HS3ST4: variants seen among roughly 807,000 people sequenced by gnomAD.
The protein encoded by HS3ST4 is heparan sulfate-glucosamine 3-sulfotransferase 4.
Under a neutral mutation model 29.2 loss-of-function variants are expected in HS3ST4, and 17 were observed. The ratio of observed to expected loss-of-function variants is 0.58; its 90% CI spans 0.40 to 0.87. HS3ST4 has a LOEUF of 0.87. Ranked by LOEUF, HS3ST4 falls within the 40% of genes least tolerant of loss-of-function variation. HS3ST4 has a pLI of 0.00. For missense variants in HS3ST4, 627 were observed against 634.5 expected (o/e 0.99, Z 0.13); for synonymous variants, 314 against 285.7 (o/e 1.10, Z -1.00).
chr16:25,876,802 C>T (rs369438766), intron 1 of HS3ST4, among the ~76,000 whole-genome samples: 14 of 152,148 alleles, frequency 9.2e-5, no homozygotes, highest in Middle Eastern at 3.4e-3. Flanking sequence ...TCATTATTGA[C>T]GCTTCAGTTG....
chr16:25,812,382 C>G (rs956348395), intron 1 of HS3ST4, among the ~76,000 whole-genome samples: 1 of 152,192 alleles, frequency 6.6e-6, no homozygotes, highest in Non-Finnish European at 1.5e-5. Context: ...TGTACGTGTC[C>G]TTCCTGCTGT....
intron 1 of HS3ST4, among the ~76,000 whole-genome samples, chr16:26,045,798 G>T (rs1296515616): frequency 2.0e-5 from 3 of 152,056 alleles, no homozygotes; most frequent in Non-Finnish European, 2.9e-5. Flanking sequence ...CTCTCACATG[G>T]ATTATATTTT....
At chr16:25,703,674 CT>C (rs917943608) in intron 1 of HS3ST4, among the ~76,000 whole-genome samples, 7 of 152,178 alleles carry the variant, frequency 4.6e-5, no homozygotes, top group African/African-American at 1.4e-4. Flanking sequence ...CTGCAGGAGT[CT>C]TGCCCTCACA....
intron 1 of HS3ST4, among the ~76,000 whole-genome samples, chr16:26,068,898 C>T (rs1056275711): frequency 1.8e-4 from 28 of 152,100 alleles, no homozygotes; most frequent in African/African-American, 5.8e-4. Flanking sequence ...CATCTTGATA[C>T]ACTGTTTGCA....
chr16:25,929,165 T>C (rs939297589), intron 1 of HS3ST4, among the ~76,000 whole-genome samples: 4 of 152,030 alleles, frequency 2.6e-5, no homozygotes, highest in African/African-American at 9.7e-5. Flanking sequence ...GGGTGGATCA[T>C]GTGGTCAAGA....
At chr16:26,078,438 G>T (rs575726956) in intron 1 of HS3ST4, among the ~76,000 whole-genome samples, 1 of 152,098 alleles carries the variant, frequency 6.6e-6, no homozygotes, top group Admixed American at 6.5e-5. Flanking sequence ...GTGAGCCACC[G>T]CACCCAGCCT....
At chr16:25,772,452 C>G (rs889797815) in intron 1 of HS3ST4, among the ~76,000 whole-genome samples, 1 of 152,186 alleles carries the variant, frequency 6.6e-6, no homozygotes, top group African/African-American at 2.4e-5. Context: ...CTCTCTGATC[C>G]TCTCTTTTGT....
At chr16:25,859,355 A>G (rs1422706772) in intron 1 of HS3ST4, among the ~76,000 whole-genome samples, 2 of 152,236 alleles carry the variant, frequency 1.3e-5, no homozygotes, top group Non-Finnish European at 2.9e-5. Flanking sequence ...AGTTTACTAT[A>G]GCATCATGCC....
chr16:25,717,803 A>C (rs1341298529), intron 1 of HS3ST4, among the ~76,000 whole-genome samples: 2 of 152,148 alleles, frequency 1.3e-5, no homozygotes, highest in Non-Finnish European at 2.9e-5. Context: ...GTTCAGGCAT[A>C]TTCTTTGAAA....
chr16:25,964,623 C>T (rs535153495), intron 1 of HS3ST4, among the ~76,000 whole-genome samples: 1 of 152,238 alleles, frequency 6.6e-6, no homozygotes, highest in Admixed American at 6.5e-5. Flanking sequence ...GGGTTTTGAT[C>T]CCAGACAAGG....
chr16:25,761,119 G>A (rs1226565732), intron 1 of HS3ST4, among the ~76,000 whole-genome samples: 1 of 152,212 alleles, frequency 6.6e-6, no homozygotes, highest in Non-Finnish European at 1.5e-5. Flanking sequence ...AGCAAGCTGG[G>A]TGAGGCTCAG....
At chr16:26,025,473 G>A (rs955112500) in intron 1 of HS3ST4, among the ~76,000 whole-genome samples, 11 of 152,140 alleles carry the variant, frequency 7.2e-5, no homozygotes, top group African/African-American at 2.7e-4. Flanking sequence ...GGCCACAAAA[G>A]CCAGCAATCC....
At chr16:25,774,355 C>A (rs1241893832) in intron 1 of HS3ST4, among the ~76,000 whole-genome samples, 1 of 152,164 alleles carries the variant, frequency 6.6e-6, no homozygotes, top group African/African-American at 2.4e-5. Flanking sequence ...CTATTCTTTT[C>A]ATTTTATAGT....
intron 1 of HS3ST4, among the ~76,000 whole-genome samples, chr16:25,911,519 T>TTTTTTTTTTA (rs1968239525): frequency 2.8e-5 from 4 of 144,868 alleles, no homozygotes; most frequent in African/African-American, 1.0e-4. Flanking sequence ...TTTTTTTTTT[T>TTTTTTTTTTA]TTTTTGGGAC....
intron 1 of HS3ST4, among the ~76,000 whole-genome samples, chr16:25,956,797 G>A (rs2141699793): frequency 6.6e-6 from 1 of 152,194 alleles, no homozygotes; most frequent in East Asian, 1.9e-4. Flanking sequence ...AGGAGATCAA[G>A]ACCATCCTGG....
chr16:26,003,156 T>C (rs1969227689), intron 1 of HS3ST4, among the ~76,000 whole-genome samples: 1 of 152,194 alleles, frequency 6.6e-6, no homozygotes, highest in African/African-American at 2.4e-5. Context: ...CTGACAGAAC[T>C]AACAACCAGA....
chr16:25,857,948 C>CTTTCT (rs1555469184), intron 1 of HS3ST4, among the ~76,000 whole-genome samples: 137 of 57,142 alleles, frequency 2.4e-3, no homozygotes, highest in African/African-American at 9.6e-3. Context: ...TTCTTTCTTT[C>CTTTCT]TTTCTTTCTT....
intron 1 of HS3ST4, among the ~76,000 whole-genome samples, chr16:25,900,468 C>T (rs1968110729): frequency 6.6e-6 from 1 of 151,688 alleles, no homozygotes; most frequent in Non-Finnish European, 1.5e-5. Flanking sequence ...TTATTTTTTG[C>T]TTTTTGTATC....
intron 1 of HS3ST4, among the ~76,000 whole-genome samples, chr16:26,039,378 A>C (rs1186021531): frequency 6.6e-6 from 1 of 152,152 alleles, no homozygotes; most frequent in Non-Finnish European, 1.5e-5. Flanking sequence ...TTTTTTATAT[A>C]TACATTTTCT....
Sources: allele counts gnomAD v4.1 joint callset (sites outside exome capture counted in the v4.1 genomes callset), GRCh38; gene constraint gnomAD v4.1.1; transcripts MANE v1.5; gene names NCBI Gene and HGNC (gene_info 2026-07-23, HGNC 2026-07-21).